The following CEP290 variants were observed in gnomAD, a reference collection of about 807,000 sequenced individuals.
The protein encoded by CEP290 is centrosomal protein of 290 kDa.
CEP290 carries 317 observed loss-of-function variants against 344.9 expected under a neutral mutation model. The observed-to-expected ratio is 0.92, with a 90% CI of 0.84 to 1.01. The LOEUF is 1.01. CEP290 is among the 50% of genes least tolerant of loss of function. The pLI, the probability that CEP290 is intolerant of heterozygous loss-of-function variation, is 0.00. For synonymous variants in CEP290, 932 were observed against 895.8 expected (o/e 1.04, Z -0.72); for missense variants, 2,754 against 2,761.4 (o/e 1.00, Z 0.06).
chr12:88,089,130 G>C lies in CEP290; in HGVS notation c.3931C>G (p.His1311Asp), dbSNP rs772060641. The C allele has an allele frequency of 4.4e-6, 7 of 1,595,804 alleles. No homozygotes were observed. The highest frequency in any genetic ancestry group is 3.4e-6 in the Non-Finnish European group (4 of 1,172,466). ...AATGTTTTGTTCTCCATATTTCTAT[G>C]TTCTTGTTGAGAATTTTTCATTTCT... ...MQEMKNSQQE[H>D]RNMENKTLEM... The change falls in exon 31 of 54, where the codon CAT (histidine) becomes GAT (aspartate). Residue 1311 changes from histidine to aspartate, a missense_variant. Coordinates refer to ENST00000552810, the MANE Select transcript of CEP290 (RefSeq NM_025114.4).
At chr12:88,083,627 G>T (rs2036352605) in intron 36 of CEP290, among the ~76,000 whole-genome samples, 1 of 152,082 alleles carries the variant, frequency 6.6e-6, no homozygotes, top group Non-Finnish European at 1.5e-5. Flanking sequence ...AAGAAAGGCA[G>T]GTAGGTTCAT....
intron 32 of CEP290, among the ~76,000 whole-genome samples, chr12:88,087,548 G>A (rs772673974): frequency 2.6e-5 from 4 of 151,474 alleles, no homozygotes; most frequent in Admixed American, 6.6e-5. Context: ...GTGAAACCCC[G>A]TCTCTACTAA....
intron 44 of CEP290, among the ~76,000 whole-genome samples, chr12:88,065,671 T>G (rs2034866330): frequency 6.6e-6 from 1 of 152,172 alleles, no homozygotes; most frequent in African/African-American, 2.4e-5. Flanking sequence ...TTAATATCAC[T>G]GATTGGTAGA....
At chr12:88,110,146 T>G (rs1036001879) in intron 22 of CEP290, among the ~76,000 whole-genome samples, 7 of 152,142 alleles carry the variant, frequency 4.6e-5, no homozygotes, top group African/African-American at 1.7e-4. Context: ...AGAGAAATAG[T>G]GGCCCATATA....
At chr12:88,083,710 G>A in intron 36 of CEP290, 137 bp downstream of exon 36, 1 of 641,684 alleles carries the variant, frequency 1.6e-6, no homozygotes, top group Non-Finnish European at 2.7e-6. Context: ...GAGGAAGAAT[G>A]ATCAGAGCTA....
intron 26 of CEP290, among the ~76,000 whole-genome samples, chr12:88,098,035 G>A (rs531434148): frequency 5.9e-5 from 9 of 152,058 alleles, no homozygotes; most frequent in African/African-American, 2.2e-4. Context: ...GGCCGATTAC[G>A]GTGGCTCACA....
At chr12:88,098,413 C>T (rs1335962045) in intron 26 of CEP290, among the ~76,000 whole-genome samples, 1 of 151,484 alleles carries the variant, frequency 6.6e-6, no homozygotes, top group Non-Finnish European at 1.5e-5. Flanking sequence ...AGTTTGAGAC[C>T]AGCCTGGGCA....
chr12:88,098,728 T>C (rs1028609325), intron 26 of CEP290, among the ~76,000 whole-genome samples: 3 of 152,168 alleles, frequency 2.0e-5, no homozygotes, highest in Non-Finnish European at 4.4e-5. Flanking sequence ...AAATAATTGA[T>C]ATTTAAGCTG....
chr12:88,095,053 C>CT (rs2037329058), intron 27 of CEP290, among the ~76,000 whole-genome samples: 3 of 152,142 alleles, frequency 2.0e-5, no homozygotes, highest in Non-Finnish European at 1.5e-5. Flanking sequence ...GGATCACTAA[C>CT]AGGTGCTAAA....
chr12:88,063,465 G>A (rs913322977), intron 45 of CEP290, among the ~76,000 whole-genome samples: 38 of 151,924 alleles, frequency 2.5e-4, no homozygotes, highest in African/African-American at 7.7e-4. Context: ...AATATACCAC[G>A]CATCCTCCCA....
intron 43 of CEP290, among the ~76,000 whole-genome samples, chr12:88,069,501 A>T (rs2035200620): frequency 6.6e-6 from 1 of 152,234 alleles, no homozygotes; most frequent in African/African-American, 2.4e-5. Context: ...GTTTAGACAA[A>T]GAAAAACATG....
At position 88,096,891 on chromosome 12, in the gene CEP290, AT is replaced by A; in HGVS notation, c.3099del (p.Lys1033AsnfsTer2). 1 of 1,489,738 alleles carries A rather than the reference AT, an allele frequency of 6.7e-7. No homozygotes were observed. The highest frequency in any genetic ancestry group is 1.3e-5 in the South Asian group (1 of 78,732). The allele number at this position is 1,489,738 out of a possible 1,614,324, so 92.3% of individuals were successfully genotyped here. A position where few individuals can be genotyped will look rare whatever the true frequency, so the allele number is the denominator to read the frequency against. On this transcript the variant is annotated frameshift_variant, in exon 27 of 54. Coordinates refer to ENST00000552810, the MANE Select transcript of CEP290 (RefSeq NM_025114.4). LOFTEE classifies it high-confidence loss of function. ...TIEQAWEQET[K>X]LGNESSMDKA... ...TTATCAGAGTCATAAAACTTACCTAATTTAGTTTCCTGTTCCCAGGCTTGTT... is the reference window on the plus strand; with the variant it reads ...TTATCAGAGTCATAAAACTTACCTAATTAGTTTCCTGTTCCCAGGCTTGTT...
intron 5 of CEP290, 143 bp from the exon 6 acceptor site, chr12:88,136,929 CTTT>C: frequency 3.1e-6 from 2 of 635,114 alleles, no homozygotes; most frequent in Non-Finnish European, 5.0e-6. Context: ...AGCTTAAGAA[CTTT>C]TTTTTTTTTA....
intron 13 of CEP290, among the ~76,000 whole-genome samples, chr12:88,123,637 T>C (rs1205930901): frequency 6.6e-6 from 1 of 152,052 alleles, no homozygotes; most frequent in African/African-American, 2.4e-5. Flanking sequence ...AGAAGCTCTT[T>C]AGATTTTTCT....
In CEP290 at chr12:88,111,291, AAAC is replaced by A. The variant is rs2038670873; in HGVS notation, c.2275_2277del (p.Val759del). 1 of 1,560,204 alleles carries A rather than the reference AAAC, an allele frequency of 6.4e-7. No individual in the cohort carries two copies. Among genetic ancestry groups the A allele is most frequent in the African/African-American group, 1.4e-5 (1 of 73,460 alleles). On this transcript the variant is annotated inframe_deletion, in exon 22 of 54. Coordinates refer to ENST00000552810, the MANE Select transcript of CEP290 (RefSeq NM_025114.4). ...CCATCAGGTAAGTCAATTCCTTTAA[AAAC>A]AACATTTGATCCTTCTGATTGTCGT...
chr12:88,082,210 C>T (rs773126224), intron 37 of CEP290, among the ~76,000 whole-genome samples: 5 of 152,282 alleles, frequency 3.3e-5, no homozygotes, highest in Non-Finnish European at 4.4e-5. Context: ...TTAAAATCTA[C>T]GTTCTGATAA....
chr12:88,111,741 T>G lies in CEP290; in HGVS notation c.2170A>C (p.Lys724Gln). The G allele has an allele frequency of 1.2e-6, 2 of 1,604,094 alleles. No homozygotes were observed. Among genetic ancestry groups the G allele is most frequent in the Non-Finnish European group, 1.7e-6 (2 of 1,176,416 alleles). ...TGCTGTGAATAATTTATAGCCTCTTTCCGAGATTCCCTGAGCTCCTGTCTT... is the reference window on the plus strand; with the variant it reads ...TGCTGTGAATAATTTATAGCCTCTTGCCGAGATTCCCTGAGCTCCTGTCTT... ...ELRQELRESR[K>Q]EAINYSQQLA... The change falls in exon 21 of 54, where the codon AAA becomes CAA. Residue 724 changes from lysine (K) to glutamine (Q), a missense_variant. Physicochemically the swap from Lys to Gln is moderately conservative, Grantham distance 53. Coordinates refer to ENST00000552810, the MANE Select transcript of CEP290 (RefSeq NM_025114.4).
intron 44 of CEP290, among the ~76,000 whole-genome samples, chr12:88,064,815 A>C (rs1167881055): frequency 6.6e-6 from 1 of 152,090 alleles, no homozygotes; most frequent in Non-Finnish European, 1.5e-5. Flanking sequence ...TAAGACCATA[A>C]ATTTCTATTG....
rs1242440672 is a variant in CEP290 at position 88,129,756 on chromosome 12, C to T, written c.790G>A (p.Val264Met). 1.3e-6 allele frequency: 2 copies of T among 1,485,262 alleles called. No individual in the cohort carries two copies. The highest frequency in any genetic ancestry group is 1.8e-6 in the Non-Finnish European group (2 of 1,104,722). 92.0% of individuals were successfully genotyped at this position (1,485,262 alleles called of 1,614,324 possible). A position where few individuals can be genotyped will look rare whatever the true frequency, so the allele number is the denominator to read the frequency against. The change falls in exon 10 of 54, where the codon GTG becomes ATG. Residue 264 changes from valine to methionine, a missense_variant. Transcript: ENST00000552810. ...TDEYNRMKAIVHQTDNVIDQL... is the reference protein window; with the variant it reads ...TDEYNRMKAIMHQTDNVIDQL... ...TCTATTACATTATCTGTCTGATGCACAATAGCTTTCATTCTATTATATTCA... is the reference window on the plus strand; with the variant it reads ...TCTATTACATTATCTGTCTGATGCATAATAGCTTTCATTCTATTATATTCA...
Sources: allele counts gnomAD v4.1 joint callset (sites outside exome capture counted in the v4.1 genomes callset), GRCh38; gene constraint gnomAD v4.1.1; transcripts MANE v1.5; gene names NCBI Gene and HGNC (gene_info 2026-07-23, HGNC 2026-07-21).